S100Z: variants seen among roughly 807,000 people sequenced by gnomAD.
The protein encoded by S100Z is protein S100-Z.
A neutral mutation model predicts 8.5 loss-of-function variants in S100Z; 11 were observed. The observed-to-expected ratio is 1.30, with a 90% CI of 0.82 to 2.15. The LOEUF (loss-of-function observed/expected upper bound fraction) is 2.15, where lower values mean the gene tolerates loss of function less well. Ranked by LOEUF, S100Z falls within the 30% of genes most tolerant of loss-of-function variation. The pLI, the probability that S100Z is intolerant of heterozygous loss-of-function variation, is 0.00. For synonymous variants in S100Z, 34 were observed against 43.8 expected (o/e 0.78, Z 0.89); for missense variants, 126 against 117.9 (o/e 1.07, Z -0.32).
At chr5:76,912,446 G>A (rs1267317054) in intron 4 of S100Z, among the ~76,000 whole-genome samples, 1 of 152,166 alleles carries the variant, frequency 6.6e-6, no homozygotes, top group African/African-American at 2.4e-5. Flanking sequence ...ATGAAGGGCA[G>A]GTTATGTCAT....
At chr5:76,897,454 T>A (rs556754106) in intron 4 of S100Z, among the ~76,000 whole-genome samples, 2,110 of 147,780 alleles carry the variant, frequency 0.014, 58 homozygotes, top group East Asian at 0.11. Context: ...AAAAAAATAA[T>A]AATAATAATA....
intron 1 of S100Z, among the ~76,000 whole-genome samples, chr5:76,863,617 C>G (rs986717613): frequency 6.6e-6 from 1 of 152,080 alleles, no homozygotes; most frequent in Non-Finnish European, 1.5e-5. Context: ...CGGCTCACTG[C>G]AAGCTCCGCC....
At chr5:76,938,238 C>T in the S100Z span, among the ~76,000 whole-genome samples, 2 of 152,156 alleles carry the variant, frequency 1.3e-5, no homozygotes, top group African/African-American at 4.8e-5. Context: ...GGGTATGGGC[C>T]AGGACCCTTT....
intron 2 of S100Z, among the ~76,000 whole-genome samples, chr5:76,871,884 C>T (rs887713153): frequency 6.6e-6 from 1 of 152,170 alleles, no homozygotes; most frequent in African/African-American, 2.4e-5. Flanking sequence ...CTTTTTGAGC[C>T]AAACCAATGT....
At chr5:76,948,014 A>T in the S100Z span, among the ~76,000 whole-genome samples, 1 of 152,156 alleles carries the variant, frequency 6.6e-6, no homozygotes, top group Non-Finnish European at 1.5e-5. Flanking sequence ...GGCTAGTGGG[A>T]CTACATCAAA....
intron 1 of S100Z, among the ~76,000 whole-genome samples, chr5:76,860,070 C>T (rs144821486): frequency 2.6e-5 from 4 of 152,076 alleles, no homozygotes; most frequent in Non-Finnish European, 5.9e-5. Flanking sequence ...TCTTAATTGC[C>T]GGCAATAAAA....
At chr5:76,936,951 A>C in the S100Z span, among the ~76,000 whole-genome samples, 2 of 152,138 alleles carry the variant, frequency 1.3e-5, no homozygotes, top group South Asian at 2.1e-4. Flanking sequence ...CCTTCACCCA[A>C]CAGGAGTATG....
At chr5:76,938,868 C>CA in the S100Z span, among the ~76,000 whole-genome samples, 3 of 151,558 alleles carry the variant, frequency 2.0e-5, no homozygotes, top group East Asian at 1.9e-4. Context: ...GCTCATCATG[C>CA]AAAAAAAATT....
At chr5:76,877,315 C>T (rs1385809599) in intron 3 of S100Z, among the ~76,000 whole-genome samples, 4 of 152,102 alleles carry the variant, frequency 2.6e-5, no homozygotes, top group African/African-American at 9.7e-5. Flanking sequence ...TATTTTTCTC[C>T]TTTTTGGCTT....
the S100Z span, among the ~76,000 whole-genome samples, chr5:76,949,720 A>G: frequency 9.2e-5 from 14 of 152,248 alleles, no homozygotes; most frequent in African/African-American, 3.4e-4. Context: ...AAGGGCAAAT[A>G]CTGTACGATT....
chr5:76,857,292 A>G (rs577158404), intron 1 of S100Z, among the ~76,000 whole-genome samples: 50 of 150,946 alleles, frequency 3.3e-4, no homozygotes, highest in African/African-American at 1.2e-3. Context: ...CTCCATCTCA[A>G]AAAAAAGAAG....
intron 4 of S100Z, among the ~76,000 whole-genome samples, chr5:76,883,584 G>C (rs1469348779): frequency 2.6e-5 from 4 of 152,198 alleles, no homozygotes; most frequent in Non-Finnish European, 5.9e-5. Flanking sequence ...TCCACTGTAA[G>C]AGTTACCCAA....
chr5:76,895,261 C>A (rs993610528), intron 4 of S100Z, among the ~76,000 whole-genome samples: 1 of 152,172 alleles, frequency 6.6e-6, no homozygotes, highest in Non-Finnish European at 1.5e-5. Flanking sequence ...ACAAGTATAG[C>A]ACCAACCAAA....
chr5:76,867,584 CT>C (rs57865301), intron 1 of S100Z, among the ~76,000 whole-genome samples: 29,376 of 144,276 alleles, frequency 0.2, 3,087 homozygotes, highest in African/African-American at 0.26. Flanking sequence ...ATCATCCTTA[CT>C]TTTTTTTTTT....
chr5:76,916,732 C>T (rs531541843), intron 4 of S100Z, among the ~76,000 whole-genome samples: 1 of 152,132 alleles, frequency 6.6e-6, no homozygotes, highest in East Asian at 1.9e-4. Context: ...ACACATTCAA[C>T]TAAATAAAAA....
rs1171043164 is a variant in S100Z, at chr5:76,888,367, ATTTTTTTTTTTTTTT to A, written c.*2+10545_*2+10559del. On this transcript the variant is annotated intron_variant, in intron 4 of 4. Transcript: ENST00000317593. ...TTTTTTTTCCTGGGAAAGTGCTGGTATTTTTTTTTTTTTTTTTTTTTTTTTTGAGACAGAGTCTTG... is the reference window on the plus strand; with the variant it reads ...TTTTTTTTCCTGGGAAAGTGCTGGTATTTTTTTTTTTGAGACAGAGTCTTG... 8.8e-5 allele frequency among the ~76,000 whole-genome samples: 4 copies of A among 45,426 alleles called. 1 individual carries two copies. The Admixed American group carries it at 1.4e-3, about 16-fold the overall frequency. 29.8% of individuals were successfully genotyped at this position (45,426 alleles called of 152,430 possible).
At chr5:76,897,994 C>G (rs1197863084) in intron 4 of S100Z, among the ~76,000 whole-genome samples, 1 of 152,130 alleles carries the variant, frequency 6.6e-6, no homozygotes, top group Non-Finnish European at 1.5e-5. Context: ...TGTCTGATTA[C>G]TCTAGCTAGG....
At chr5:76,887,610 C>A (rs555656500) in intron 4 of S100Z, among the ~76,000 whole-genome samples, 1 of 151,890 alleles carries the variant, frequency 6.6e-6, no homozygotes, top group South Asian at 2.1e-4. Flanking sequence ...GTTGGCCAGG[C>A]CAGTCTTGAA....
intron 4 of S100Z, among the ~76,000 whole-genome samples, chr5:76,908,224 G>C (rs772400342): frequency 2.0e-5 from 3 of 152,150 alleles, no homozygotes; most frequent in Non-Finnish European, 4.4e-5. Flanking sequence ...TGCTTTTCCT[G>C]TACTTCTGGG....
Sources: allele counts gnomAD v4.1 joint callset (sites outside exome capture counted in the v4.1 genomes callset), GRCh38; gene constraint gnomAD v4.1.1; transcripts MANE v1.5; gene names NCBI Gene and HGNC (gene_info 2026-07-23, HGNC 2026-07-21).